The following EVI5L variants were observed in gnomAD, a reference collection of about 807,000 sequenced individuals.
EVI5L encodes ecotropic viral integration site 5 like.
In EVI5L, 30 loss-of-function variants were observed where a neutral mutation model predicts 106.1. The ratio of observed to expected loss-of-function variants is 0.28; its 90% CI spans 0.21 to 0.38. The LOEUF (loss-of-function observed/expected upper bound fraction) is 0.38, where lower values mean the gene tolerates loss of function less well. Among genes scored for constraint, EVI5L ranks in the 10% least tolerant of loss-of-function variants. The pLI is 1.00. For missense variants in EVI5L, 809 were observed against 1,098.0 expected (o/e 0.74, Z 3.72); for synonymous variants, 489 against 483.3 (o/e 1.01, Z -0.15).
In EVI5L at chr19:7,856,087, G is replaced by C. The variant is rs1036827865; in HGVS notation, c.1200+19G>C. ...AGAGAAGGTGAGGGGCGTGGCCACT[G>C]TGAGGACATGGTCGCCATGGGGTGT... On this transcript the variant is annotated intron_variant, in intron 11 of 19. Transcript: ENST00000538904. This position sits in a 1 kb window ranked among gnomAD's most constrained non-coding sequence, Gnocchi z 6.6. The C allele has an allele frequency of 3.8e-6, 5 of 1,319,906 alleles. No individual in the cohort carries two copies. Among genetic ancestry groups the C allele is most frequent in the Admixed American group, 3.1e-5 (1 of 32,750 alleles). 81.8% of individuals were successfully genotyped at this position (1,319,906 alleles called of 1,614,324 possible).
rs1476426466 is a variant in EVI5L, at chr19:7,850,967, G to T, written c.754-467G>T. 6.6e-6 allele frequency among the ~76,000 whole-genome samples: 1 copy of T among 152,150 alleles called. No individual in the cohort carries two copies. The highest frequency in any genetic ancestry group is 1.5e-5 in the Non-Finnish European group (1 of 68,026). On this transcript the variant is annotated intron_variant, in intron 6 of 19. Transcript: ENST00000538904. This position sits in a 1 kb window ranked among gnomAD's most constrained non-coding sequence, Gnocchi z 5.4. The stretch of plus-strand genomic sequence containing the variant: ...GCCAATCCAACACAGCTTGCACAAA[G>T]CTTTATGCTGGGGTCCAAGGGAGGT...
intron 8 of EVI5L, 79 bp from the exon 9 acceptor site, chr19:7,853,007 C>T: frequency 1.4e-6 from 2 of 1,460,290 alleles, no homozygotes; most frequent in East Asian, 2.3e-5. Context: ...TGCCCCCCTC[C>T]AGGGCAACAG....
At chr19:7,846,827 C>T (rs1272208215) in intron 2 of EVI5L, 148 bp downstream of exon 2, 15 of 1,116,466 alleles carry the variant, frequency 1.3e-5, no homozygotes, top group Non-Finnish European at 1.1e-5. Flanking sequence ...ACAGACACCT[C>T]CTTTCATCCT....
intron 10 of EVI5L, among the ~76,000 whole-genome samples, chr19:7,853,911 G>A (rs1273704832): frequency 6.6e-6 from 1 of 152,214 alleles, no homozygotes; most frequent in Non-Finnish European, 1.5e-5. Context: ...AGGTCAGGGG[G>A]TTTCCTGAGT....
chr19:7,837,307 G>A (rs918650542), intron 1 of EVI5L, among the ~76,000 whole-genome samples: 1 of 151,940 alleles, frequency 6.6e-6, no homozygotes, highest in African/African-American at 2.4e-5. Context: ...CTCCAGCCTG[G>A]GCAACAGGAG....
intron 1 of EVI5L, among the ~76,000 whole-genome samples, chr19:7,833,428 C>T (rs1480835691): frequency 6.6e-6 from 1 of 152,248 alleles, no homozygotes; most frequent in Non-Finnish European, 1.5e-5. Flanking sequence ...AGGATTGCAG[C>T]ACGCGCCCTT....
Position 7,863,002 on chromosome 19 carries a change from CG to C in EVI5L, c.1981del (p.Glu661ArgfsTer31). On this transcript the variant is annotated frameshift_variant, in exon 18 of 20. Coordinates refer to ENST00000538904, the MANE Select transcript of EVI5L (RefSeq NM_001159944.3). LOFTEE classifies it high-confidence loss of function. This position sits in a 1 kb window ranked among gnomAD's most constrained non-coding sequence, Gnocchi z 7.7. ...SKEEVMAVRL[R>X]EADSMAAVAE... ...GGAGGAGGTGATGGCTGTGCGACTGCGGGAGGCGGACAGCATGGCTGCGGTG... is the reference window on the plus strand; with the variant it reads ...GGAGGAGGTGATGGCTGTGCGACTGCGGAGGCGGACAGCATGGCTGCGGTG... The C allele has an allele frequency of 6.3e-7, 1 of 1,578,792 alleles. No individual in the cohort carries two copies. Among genetic ancestry groups the C allele is most frequent in the South Asian group, 1.1e-5 (1 of 87,242 alleles).
Position 7,847,842 on chromosome 19 carries a change from A to G in EVI5L, c.248A>G (p.Glu83Gly). The change falls in exon 3 of 20, where the codon GAG (glutamate) becomes GGG (glycine). Residue 83 changes from glutamate (E) to glycine (G), a missense_variant. Around this residue, in one of 2 missense-constraint regions of EVI5L, gnomAD observed 357 missense variants for 588.1 expected, o/e 0.61. Transcript: ENST00000538904. ...GCCTCCTCCAACCTGAGCCACCTGG[A>G]GGAGGACACGTGGATCCTGTGGGGC... is the stretch of plus-strand genomic sequence containing the variant. ...SSASSNLSHL[E>G]EDTWILWGRI... 6.2e-7 allele frequency: 1 copy of G among 1,609,534 alleles called. No homozygotes were observed. The highest frequency in any genetic ancestry group is 1.3e-5 in the African/African-American group (1 of 74,822).
At chr19:7,836,804 G>A (rs545025265) in intron 1 of EVI5L, among the ~76,000 whole-genome samples, 2 of 151,860 alleles carry the variant, frequency 1.3e-5, no homozygotes, top group Non-Finnish European at 2.9e-5. Flanking sequence ...ATGTGTGTGT[G>A]TATTTTTAAT....
chr19:7,861,376 G>A (rs1273696689), intron 14 of EVI5L, among the ~76,000 whole-genome samples: 3 of 152,358 alleles, frequency 2.0e-5, no homozygotes, highest in South Asian at 2.1e-4. Context: ...GGGTCAGTGC[G>A]GACCTCATCC....
chr19:7,853,228 C>T (rs1003436878), intron 9 of EVI5L, 45 bp downstream of exon 9: 1 of 1,613,442 alleles, frequency 6.2e-7, no homozygotes, highest in Admixed American at 1.7e-5. Flanking sequence ...GAAGGGGGGA[C>T]CCCCGAGGGC....
rs1428106195 is a variant in EVI5L at position 7,863,541 on chromosome 19, G to A, written c.2257G>A (p.Val753Ile). 2.5e-6 allele frequency: 4 copies of A among 1,599,312 alleles called. No individual in the cohort carries two copies. The highest frequency in any genetic ancestry group is 1.7e-5 in the Admixed American group (1 of 58,670). Residue 753 changes from valine (V) to isoleucine (I), a missense_variant, in exon 20 of 20, where the codon GTA (valine) becomes ATA (isoleucine). Val to Ile is a conservative substitution (Grantham distance 29). Transcript: ENST00000538904. This position sits in a 1 kb window ranked among gnomAD's most constrained non-coding sequence, Gnocchi z 7.7. Reference protein sequence around the residue: ...LPSSDEELLGVGVGAALQDAL... With the variant: ...LPSSDEELLGIGVGAALQDAL... ...GTCGTCGGACGAGGAGCTACTTGGC[G>A]TAGGCGTGGGCGCTGCCCTGCAGGA...
At chr19:7,861,761 C>A in intron 14 of EVI5L, 117 bp from the exon 15 acceptor site, 1 of 1,371,098 alleles carries the variant, frequency 7.3e-7, no homozygotes, top group Admixed American at 2.7e-5. Flanking sequence ...TCGCCCTCCC[C>A]CATCTGAGCC....
intron 1 of EVI5L, among the ~76,000 whole-genome samples, chr19:7,833,565 C>T (rs909437412): frequency 2.6e-5 from 4 of 152,198 alleles, no homozygotes; most frequent in African/African-American, 9.6e-5. Context: ...GCAGGGATGA[C>T]GTATGGACCA....
rs1030544141 is a variant in EVI5L at position 7,858,055 on chromosome 19, C to T, written c.1234-136C>T. ...GGCCCAGTGGGACGCTCATCCCAGG[C>T]TCTGAGTACGGGAGGCCCCCACCTC... On this transcript the variant is annotated intron_variant, in intron 12 of 19. Coordinates refer to ENST00000538904, the MANE Select transcript of EVI5L (RefSeq NM_001159944.3). The surrounding 1 kb of genome is among the most constrained non-coding windows in gnomAD (Gnocchi z 5.7). 2 of 1,042,934 alleles carry T rather than the reference C, an allele frequency of 1.9e-6. No homozygotes were observed. The highest frequency in any genetic ancestry group is 1.4e-6 in the Non-Finnish European group (1 of 730,272). 64.6% of individuals were successfully genotyped at this position (1,042,934 alleles called of 1,614,324 possible).
rs370514911 is a variant in EVI5L, at chr19:7,856,096, T to C, written c.1200+28T>C. ...GAGGGGCGTGGCCACTGTGAGGACA[T>C]GGTCGCCATGGGGTGTGACCCACCA... is the stretch of plus-strand genomic sequence containing the variant. On this transcript the variant is annotated intron_variant, in intron 11 of 19. Transcript: ENST00000538904. This position sits in a 1 kb window ranked among gnomAD's most constrained non-coding sequence, Gnocchi z 6.6. 7.6e-7 allele frequency: 1 copy of C among 1,318,584 alleles called. No individual in the cohort carries two copies. Among genetic ancestry groups the C allele is most frequent in the Non-Finnish European group, 9.8e-7 (1 of 1,024,570 alleles). 81.7% of individuals were successfully genotyped at this position (1,318,584 alleles called of 1,614,324 possible).
intron 1 of EVI5L, among the ~76,000 whole-genome samples, chr19:7,832,044 G>T (rs1484195261): frequency 6.6e-6 from 1 of 152,208 alleles, no homozygotes; most frequent in African/African-American, 2.4e-5. Context: ...TTCCCCCTCG[G>T]CCGGGATGTG....
intron 13 of EVI5L, among the ~76,000 whole-genome samples, chr19:7,859,831 G>A (rs538497096): frequency 6.6e-6 from 1 of 152,366 alleles, no homozygotes; most frequent in South Asian, 2.1e-4. Context: ...GCCACATGGG[G>A]CCTGGAGGCC....
intron 10 of EVI5L, among the ~76,000 whole-genome samples, chr19:7,855,723 G>A (rs1979487644): frequency 6.6e-6 from 1 of 152,250 alleles, no homozygotes; most frequent in Non-Finnish European, 1.5e-5. Flanking sequence ...TTCTGAGGGG[G>A]CGTGGGTACT....
Sources: allele counts gnomAD v4.1 joint callset (sites outside exome capture counted in the v4.1 genomes callset), GRCh38; gene constraint gnomAD v4.1.1; regional missense constraint gnomAD v4.1.1; non-coding constraint Gnocchi (gnomAD v3.1); transcripts MANE v1.5; gene names NCBI Gene and HGNC (gene_info 2026-07-23, HGNC 2026-07-21).